The following TBC1D30 variants were observed in gnomAD, a reference collection of about 807,000 sequenced individuals.
TBC1D30 encodes the protein TBC1 domain family member 30.
Under a neutral mutation model 63.2 loss-of-function variants are expected in TBC1D30, and 31 were observed. The observed-to-expected ratio is 0.49, with a 90% CI of 0.37 to 0.66. The LOEUF is 0.66. Ranked by LOEUF, TBC1D30 falls within the 30% of genes least tolerant of loss-of-function variation. The pLI is 0.00. For missense variants in TBC1D30, 810 were observed against 953.6 expected, an observed-to-expected ratio of 0.85 and a Z score of 1.98; for synonymous variants, 307 against 361.5, an observed-to-expected ratio of 0.85 and a Z score of 1.71.
intron 2 of TBC1D30, among the ~76,000 whole-genome samples, chr12:64,804,976 G>A (rs1037074204): frequency 3.9e-5 from 6 of 152,004 alleles, no homozygotes; most frequent in South Asian, 2.1e-4. Context: ...TGAGGCGGGC[G>A]GATCACCTGA....
At chr12:64,778,540 C>CAGAGA (rs1871144353), upstream of TBC1D30, among the ~76,000 whole-genome samples, 1 of 137,454 alleles carries the variant, frequency 7.3e-6, no homozygotes, top group South Asian at 2.4e-4. Flanking sequence ...GAGTGATTCA[C>CAGAGA]AGAGAAGCCT....
intron 10 of TBC1D30, among the ~76,000 whole-genome samples, chr12:64,867,270 C>T (rs1191114889): frequency 1.3e-5 from 2 of 151,840 alleles, no homozygotes; most frequent in Non-Finnish European, 2.9e-5. Context: ...TTGAGAGCAG[C>T]CTGGCCAATA....
chr12:64,782,615 C>T (rs1871351060), intron 1 of TBC1D30, among the ~76,000 whole-genome samples: 1 of 152,290 alleles, frequency 6.6e-6, no homozygotes, highest in African/African-American at 2.4e-5. Flanking sequence ...TTACATTTTT[C>T]ATCACCGAGG....
At chr12:64,788,481 G>A (rs1185845085) in intron 2 of TBC1D30, among the ~76,000 whole-genome samples, 1 of 152,162 alleles carries the variant, frequency 6.6e-6, no homozygotes, top group East Asian at 1.9e-4. Context: ...GGTGGAACAA[G>A]TTCAGGAGAT....
chr12:64,798,698 C>T (rs1047122774), intron 2 of TBC1D30, among the ~76,000 whole-genome samples: 9 of 151,738 alleles, frequency 5.9e-5, no homozygotes, highest in Admixed American at 4.6e-4. Flanking sequence ...AGAGTGTTCT[C>T]TGTGTATGCA....
chr12:64,816,848 T>C (rs1014881843), intron 2 of TBC1D30, among the ~76,000 whole-genome samples: 1 of 143,588 alleles, frequency 7.0e-6, no homozygotes, highest in African/African-American at 2.5e-5. Flanking sequence ...CTTCCTTCTA[T>C]CAGGGTGTTG....
chr12:64,872,637 G>C (rs76749313), intron 11 of TBC1D30, among the ~76,000 whole-genome samples: 253 of 152,304 alleles, frequency 1.7e-3, no homozygotes, highest in African/African-American at 5.7e-3. Flanking sequence ...TAACAAGCCC[G>C]TAGGCACTGC....
rs1451626683 is a variant in TBC1D30 at position 64,875,897 on chromosome 12, A to G, written c.*109A>G. ...TTGTCCAGTGAAAATGAATAGGTTC[A>G]GGGATGAGCAACAGCCCATAAAAAA... On this transcript the variant is annotated 3_prime_UTR_variant, in exon 12 of 12. Coordinates refer to ENST00000539867, the MANE Select transcript of TBC1D30 (RefSeq NM_015279.2). 7 of 1,151,120 alleles carry G rather than the reference A, an allele frequency of 6.1e-6. No individual in the cohort carries two copies. The African/African-American group carries it at 9.3e-5, about 15-fold the overall frequency. The allele number at this position is 1,151,120 out of a possible 1,614,324, so 71.3% of individuals were successfully genotyped here.
intron 1 of TBC1D30, 132 bp downstream of exon 1, chr12:64,825,165 C>T (rs1286035648): frequency 3.8e-6 from 5 of 1,309,628 alleles, no homozygotes; most frequent in East Asian, 5.2e-5. Flanking sequence ...TGCGGGGCAC[C>T]GCGTTGGCAC....
At chr12:64,810,478 C>T (rs746288746) in intron 2 of TBC1D30, among the ~76,000 whole-genome samples, 6 of 152,162 alleles carry the variant, frequency 3.9e-5, no homozygotes, top group Non-Finnish European at 7.3e-5. Flanking sequence ...TAATGGGCGC[C>T]TGTAATCCCA....
chr12:64,873,300 A>G (rs1025363141), intron 11 of TBC1D30, among the ~76,000 whole-genome samples: 2 of 152,116 alleles, frequency 1.3e-5, no homozygotes, highest in African/African-American at 4.8e-5. Context: ...AAAGAAAGTA[A>G]TGAAGATTTA....
intron 5 of TBC1D30, among the ~76,000 whole-genome samples, chr12:64,834,946 T>A (rs1314825912): frequency 2.0e-5 from 3 of 152,124 alleles, no homozygotes; most frequent in Non-Finnish European, 4.4e-5. Flanking sequence ...CAGCATTATG[T>A]CTTATCCTTA....
chr12:64,776,985 T>C (rs551913316), upstream of TBC1D30, among the ~76,000 whole-genome samples: 30 of 152,176 alleles, frequency 2.0e-4, no homozygotes, highest in Non-Finnish European at 4.0e-4. Flanking sequence ...ATTCATCACA[T>C]AAACAGAACT....
intron 2 of TBC1D30, among the ~76,000 whole-genome samples, chr12:64,806,475 G>A (rs1044907722): frequency 1.3e-5 from 2 of 152,166 alleles, no homozygotes; most frequent in Non-Finnish European, 2.9e-5. Context: ...CATACAGCCA[G>A]CTCACATCCA....
At chr12:64,794,365 T>C (rs1872120957) in intron 2 of TBC1D30, among the ~76,000 whole-genome samples, 1 of 152,154 alleles carries the variant, frequency 6.6e-6, no homozygotes, top group South Asian at 2.1e-4. Flanking sequence ...TTCTCCCTCC[T>C]TTTTCTTTTT....
chr12:64,875,421 C>T lies in TBC1D30; in HGVS notation c.1919C>T (p.Pro640Leu), dbSNP rs531541139. 27 of 1,536,090 alleles carry T rather than the reference C, an allele frequency of 1.8e-5. 1 individual carries two copies. Among genetic ancestry groups the T allele is most frequent in the East Asian group, 7.3e-5 (3 of 40,910 alleles). ...ACGATCGAGGGGCAGTCTCCGGAGC[C>T]GGTGTTCGGAGATGCTGATGTGGAT... ...RRTIEGQSPEPVFGDADVDVS... is the reference protein window; with the variant it reads ...RRTIEGQSPELVFGDADVDVS... The change falls in exon 12 of 12, where the codon CCG becomes CTG. Residue 640 changes from proline (P) to leucine (L), a missense_variant. Pro to Leu is a moderately conservative substitution (Grantham distance 98, BLOSUM62 -3). Around this residue, in one of 4 missense-constraint regions of TBC1D30, gnomAD observed 450 missense variants for 473.0 expected, o/e 0.95. Transcript: ENST00000539867.
intron 7 of TBC1D30, 51 bp from the exon 8 acceptor site, chr12:64,843,329 A>T (rs555138251): frequency 3.4e-5 from 50 of 1,459,380 alleles, no homozygotes; most frequent in East Asian, 3.0e-4. Context: ...GTACTGTTAC[A>T]CAGCATGGAT....
chr12:64,851,690 C>T (rs1876886003), intron 8 of TBC1D30, among the ~76,000 whole-genome samples: 1 of 152,118 alleles, frequency 6.6e-6, no homozygotes, highest in Non-Finnish European at 1.5e-5. Context: ...TTTAGTGCTC[C>T]CTTAAGGGGC....
chr12:64,834,642 C>T (rs1343763408), intron 5 of TBC1D30, among the ~76,000 whole-genome samples: 1 of 150,552 alleles, frequency 6.6e-6, no homozygotes, highest in Non-Finnish European at 1.5e-5. Flanking sequence ...CCTGACCTCT[C>T]AGGTGATCCT....
Sources: gnomAD v4.1 joint callset for allele counts (sites outside exome capture counted in the v4.1 genomes callset) on GRCh38, gnomAD v4.1.1 for gene constraint, gnomAD v4.1.1 regional missense constraint, MANE v1.5 for transcripts, NCBI Gene and HGNC (gene_info 2026-07-23, HGNC 2026-07-21) for gene names.